Variants in FAM53A observed in about 807,000 individuals in gnomAD.
The protein encoded by FAM53A is protein FAM53A.
A neutral mutation model predicts 26.6 loss-of-function variants in FAM53A; 28 were observed. The observed-to-expected ratio is 1.05, with a 90% CI of 0.78 to 1.45. The LOEUF (loss-of-function observed/expected upper bound fraction) is 1.45. Ranked by LOEUF, FAM53A falls within the 40% of genes most tolerant of loss-of-function variation. The pLI, the probability that FAM53A is intolerant of heterozygous loss-of-function variation, is 0.00. For synonymous variants in FAM53A, 290 were observed against 253.1 expected, an observed-to-expected ratio of 1.15 and a Z score of -1.38; for missense variants, 650 against 575.8, an observed-to-expected ratio of 1.13 and a Z score of -1.32.
chr4:1,615,409 C>T (rs532939227), downstream of FAM53A, among the ~76,000 whole-genome samples: 2 of 146,896 alleles, frequency 1.4e-5, no homozygotes, highest in East Asian at 4.2e-4. Context: ...TCCACCCCAC[C>T]TGGGCACACA....
chr4:1,681,523 CTTT>C lies in FAM53A; in HGVS notation c.-165+2707_-165+2709del, dbSNP rs36047639. On this transcript the variant is annotated intron_variant, in intron 1 of 4. Transcript: ENST00000308132. Reference sequence around the variant, plus strand: ...CCAACAAAGGAGAAGAAACTCAAATCTTTTTTTTTTTTTTTTGACATGAAGCCT... The same window carrying C: ...CCAACAAAGGAGAAGAAACTCAAATCTTTTTTTTTTTTTGACATGAAGCCT... Among the ~76,000 whole-genome samples the C allele has an allele frequency of 5.2e-4, 72 of 139,308 alleles. No individual in the cohort carries two copies. In the Middle Eastern group the frequency reaches 0.011, roughly 21 times the overall value. 91.4% of individuals were successfully genotyped at this position (139,308 alleles called of 152,430 possible).
chr4:1,588,600 GTCT>G, the FAM53A span, among the ~76,000 whole-genome samples: 1 of 152,212 alleles, frequency 6.6e-6, no homozygotes, highest in East Asian at 1.9e-4. Flanking sequence ...AGGAGATGAG[GTCT>G]TCTATGAGTG....
At chr4:1,577,858 G>A in the FAM53A span, among the ~76,000 whole-genome samples, 1 of 152,014 alleles carries the variant, frequency 6.6e-6, no homozygotes, top group Non-Finnish European at 1.5e-5. Context: ...CTGATGAGCA[G>A]AGACAAACAC....
chr4:1,608,507 C>G, the FAM53A span, among the ~76,000 whole-genome samples: 1 of 152,234 alleles, frequency 6.6e-6, no homozygotes, highest in East Asian at 1.9e-4. Flanking sequence ...TCCCAGGGGC[C>G]TGTCCTGCTG....
chr4:1,673,857 G>A (rs762049088), intron 1 of FAM53A, among the ~76,000 whole-genome samples: 3 of 152,280 alleles, frequency 2.0e-5, no homozygotes, highest in African/African-American at 7.2e-5. Flanking sequence ...CATGCAGCGC[G>A]GGAGGGACCA....
the FAM53A span, among the ~76,000 whole-genome samples, chr4:1,575,102 CCT>C: frequency 3.3e-4 from 50 of 152,328 alleles, no homozygotes; most frequent in Admixed American, 1.2e-3. Context: ...CCAGCTACCC[CCT>C]GAGTGCCCAC....
At chr4:1,638,252 G>A (rs1197823535), downstream of FAM53A, among the ~76,000 whole-genome samples, 2 of 152,114 alleles carry the variant, frequency 1.3e-5, no homozygotes, top group African/African-American at 4.8e-5. Flanking sequence ...ATACAGCCCT[G>A]GGGACAAGCC....
intron 1 of FAM53A, among the ~76,000 whole-genome samples, chr4:1,680,334 A>C (rs1304151619): frequency 1.3e-5 from 2 of 149,830 alleles, no homozygotes; most frequent in South Asian, 2.1e-4. Flanking sequence ...AAAAAAAAAA[A>C]AAAAAAAAAA....
At chr4:1,652,344 ACACAC>A (rs940287795) in intron 4 of FAM53A, among the ~76,000 whole-genome samples, 10 of 142,782 alleles carry the variant, frequency 7.0e-5, no homozygotes, top group African/African-American at 2.7e-4. Context: ...CACGCTATAC[ACACAC>A]CACACGTCAC....
chr4:1,650,985 G>A (rs1233980507), intron 4 of FAM53A, among the ~76,000 whole-genome samples: 5 of 151,150 alleles, frequency 3.3e-5, no homozygotes, highest in Admixed American at 6.6e-5. Flanking sequence ...TTGGGAGGCC[G>A]AGGCGGGTGG....
At chr4:1,648,391 G>A (rs1177583356) in intron 4 of FAM53A, among the ~76,000 whole-genome samples, 3 of 152,108 alleles carry the variant, frequency 2.0e-5, no homozygotes, top group Non-Finnish European at 4.4e-5. Context: ...AGAGAAAGGT[G>A]GGAGCCAGTT....
At chr4:1,598,178 C>G in the FAM53A span, among the ~76,000 whole-genome samples, 1 of 152,264 alleles carries the variant, frequency 6.6e-6, no homozygotes, top group Non-Finnish European at 1.5e-5. Context: ...CCTTCTCCGG[C>G]TGTGGGGAGG....
chr4:1,609,288 C>T, the FAM53A span, among the ~76,000 whole-genome samples: 1 of 152,232 alleles, frequency 6.6e-6, no homozygotes, highest in South Asian at 2.1e-4. Context: ...GCCCCTCGGG[C>T]CTCCTTCCAG....
rs1193050342 is a variant in FAM53A at position 1,640,385 on chromosome 4, C to T, written c.*908G>A. 2.7e-5 allele frequency: 7 copies of T among 258,574 alleles called. No homozygotes were observed. Among genetic ancestry groups the T allele is most frequent in the Non-Finnish European group, 2.9e-5 (4 of 136,064 alleles). 16.0% of individuals were successfully genotyped at this position (258,574 alleles called of 1,614,324 possible). A position where few individuals can be genotyped will look rare whatever the true frequency, so the allele number is the denominator to read the frequency against. ...CAGTGGGACTCTGACCACCAACGCC[C>T]GGGGTTTCCTAGCAACTAAAGCACA... On this transcript the variant is annotated 3_prime_UTR_variant, in exon 5 of 5. Coordinates refer to ENST00000308132, the MANE Select transcript of FAM53A (RefSeq NM_001174070.3).
At chr4:1,595,505 A>G in the FAM53A span, among the ~76,000 whole-genome samples, 1 of 152,224 alleles carries the variant, frequency 6.6e-6, no homozygotes, top group African/African-American at 2.4e-5. Context: ...CACTGACACT[A>G]CGTGGCTGGT....
chr4:1,671,888 C>T (rs890467339), intron 1 of FAM53A, among the ~76,000 whole-genome samples: 3 of 152,206 alleles, frequency 2.0e-5, no homozygotes, highest in Non-Finnish European at 2.9e-5. Flanking sequence ...ACAGGCCTCA[C>T]AGTCTGTATA....
the FAM53A span, among the ~76,000 whole-genome samples, chr4:1,592,255 G>A: frequency 6.6e-6 from 1 of 152,130 alleles, no homozygotes; most frequent in African/African-American, 2.4e-5. Context: ...TCTAAATTAA[G>A]ACCAAACAGA....
the FAM53A span, among the ~76,000 whole-genome samples, chr4:1,598,375 C>A: frequency 6.6e-6 from 1 of 152,212 alleles, no homozygotes; most frequent in African/African-American, 2.4e-5. Flanking sequence ...GGGGCACGGA[C>A]GGGAGCCAGG....
At chr4:1,583,932 C>G in the FAM53A span, among the ~76,000 whole-genome samples, 7 of 152,248 alleles carry the variant, frequency 4.6e-5, no homozygotes, top group Non-Finnish European at 8.8e-5. Flanking sequence ...TTTCTGATCA[C>G]TGGAGAAGCT....
Sources: allele counts gnomAD v4.1 joint callset (sites outside exome capture counted in the v4.1 genomes callset), GRCh38; gene constraint gnomAD v4.1.1; transcripts MANE v1.5; gene names NCBI Gene and HGNC (gene_info 2026-07-23, HGNC 2026-07-21).